FBXO16: variants seen among roughly 807,000 people sequenced by gnomAD.
FBXO16 encodes F-box only protein 16.
FBXO16 carries 31 observed loss-of-function variants against 41.0 expected under a neutral mutation model. That is an observed-to-expected ratio of 0.76 (90% CI 0.57 to 1.02). The LOEUF (loss-of-function observed/expected upper bound fraction) is 1.02, where lower values mean the gene tolerates loss of function less well. Ranked by LOEUF, FBXO16 falls within the 50% of genes least tolerant of loss-of-function variation. The pLI is 0.00. For missense variants in FBXO16, 361 were observed against 346.2 expected, an observed-to-expected ratio of 1.04 and a Z score of -0.34; for synonymous variants, 133 against 117.8, an observed-to-expected ratio of 1.13 and a Z score of -0.84.
intron 7 of FBXO16, among the ~76,000 whole-genome samples, chr8:28,445,747 CTT>C (rs1369097297): frequency 2.0e-5 from 3 of 152,084 alleles, no homozygotes; most frequent in Non-Finnish European, 2.9e-5. Flanking sequence ...CTCTCTCTCT[CTT>C]TCTTTTTTCT....
chr8:28,433,078 CAAAA>C (rs1437856853), intron 7 of FBXO16, among the ~76,000 whole-genome samples: 1 of 138,804 alleles, frequency 7.2e-6, no homozygotes. Context: ...AAAAAACAAA[CAAAA>C]AACAAACAAA....
chr8:28,475,802 T>C (rs183564025), intron 2 of FBXO16, among the ~76,000 whole-genome samples: 6 of 152,330 alleles, frequency 3.9e-5, no homozygotes, highest in African/African-American at 9.6e-5. Flanking sequence ...ATTTTGCTGA[T>C]TGACTAACAA....
intron 7 of FBXO16, among the ~76,000 whole-genome samples, chr8:28,433,063 AAAAAAAAAAAC>A (rs1006229131): frequency 1.1e-4 from 15 of 134,808 alleles, no homozygotes; most frequent in Admixed American, 6.9e-5. Flanking sequence ...TTCGTCCAAA[AAAAAAAAAAAC>A]AAACAAAAAA....
intron 6 of FBXO16, 101 bp downstream of exon 6, chr8:28,452,143 T>C (rs1236572499): frequency 1.7e-6 from 2 of 1,158,138 alleles, no homozygotes; most frequent in Non-Finnish European, 2.4e-6. Context: ...GAAAAGCTTT[T>C]GTATTTCACA....
chr8:28,448,340 C>CAAAAAAAAAAAA (rs56323338), intron 6 of FBXO16, among the ~76,000 whole-genome samples: 17 of 49,384 alleles, frequency 3.4e-4, no homozygotes, highest in East Asian at 6.1e-4. Context: ...GACCCTAAAT[C>CAAAAAAAAAAAA]AAAAAAAAAA....
At chr8:28,443,783 C>G (rs1292758302) in intron 7 of FBXO16, among the ~76,000 whole-genome samples, 1 of 152,128 alleles carries the variant, frequency 6.6e-6, no homozygotes, top group Non-Finnish European at 1.5e-5. Context: ...CCGGCCAAAA[C>G]CCACCAAAAC....
chr8:28,460,409 G>A (rs73557216), intron 4 of FBXO16, among the ~76,000 whole-genome samples: 6 of 133,926 alleles, frequency 4.5e-5, no homozygotes, highest in African/African-American at 1.2e-4. Flanking sequence ...AGGCACATGC[G>A]CTATACCTGG....
chr8:28,438,286 G>A (rs138351865), intron 7 of FBXO16, among the ~76,000 whole-genome samples: 5 of 151,676 alleles, frequency 3.3e-5, no homozygotes, highest in South Asian at 2.1e-4. Flanking sequence ...ACTGCATTCC[G>A]GCCTGGGCAA....
chr8:28,450,699 C>G (rs1415657245), intron 6 of FBXO16, among the ~76,000 whole-genome samples: 1 of 152,122 alleles, frequency 6.6e-6, no homozygotes, highest in Non-Finnish European at 1.5e-5. Context: ...GGAGTAATAC[C>G]TCAGCCTTTC....
chr8:28,488,652 T>G (rs868369801), intron 1 of FBXO16, among the ~76,000 whole-genome samples: 5 of 152,212 alleles, frequency 3.3e-5, no homozygotes, highest in African/African-American at 7.2e-5. Flanking sequence ...TTACTAAGTA[T>G]CTACAAGGCA....
chr8:28,466,661 GGCAGGC>G (rs1803247748), intron 3 of FBXO16, among the ~76,000 whole-genome samples: 1 of 152,052 alleles, frequency 6.6e-6, no homozygotes, highest in Admixed American at 6.6e-5. Flanking sequence ...CGGGCATGGT[GGCAGGC>G]GCCTGTAGTC....
intron 6 of FBXO16, among the ~76,000 whole-genome samples, chr8:28,451,783 G>T (rs548294588): frequency 1.2e-4 from 19 of 152,072 alleles, no homozygotes; most frequent in Admixed American, 6.5e-5. Context: ...AGGAGTTCAA[G>T]ACCAGCCTGG....
chr8:28,430,631 A>G (rs1802591543), intron 7 of FBXO16, among the ~76,000 whole-genome samples: 1 of 152,242 alleles, frequency 6.6e-6, no homozygotes, highest in South Asian at 2.1e-4. Flanking sequence ...GAAAATAAAC[A>G]GGAAGCTTCC....
chr8:28,489,450 G>C (rs1803653564), intron 1 of FBXO16, among the ~76,000 whole-genome samples: 1 of 151,268 alleles, frequency 6.6e-6, no homozygotes, highest in African/African-American at 2.4e-5. Context: ...TGAGGCAGGA[G>C]GATCTCTTGA....
chr8:28,453,177 C>G (rs1802983745), intron 5 of FBXO16, among the ~76,000 whole-genome samples: 1 of 152,162 alleles, frequency 6.6e-6, no homozygotes, highest in African/African-American at 2.4e-5. Flanking sequence ...ATAGGAGAAA[C>G]TAATTAATTT....
At chr8:28,447,503 T>C in intron 6 of FBXO16, 2 of 480,276 alleles carry the variant, frequency 4.2e-6, no homozygotes, top group Non-Finnish European at 3.8e-6. Flanking sequence ...TGTTTCTATA[T>C]TCAACTGTGG....
chr8:28,460,997 AG>A (rs1803125016), intron 4 of FBXO16, among the ~76,000 whole-genome samples: 1 of 152,016 alleles, frequency 6.6e-6, no homozygotes, highest in African/African-American at 2.4e-5. Context: ...GGCCTCCCAA[AG>A]TGCTGGGATT....
chr8:28,440,916 A>G (rs1397416804), intron 7 of FBXO16, among the ~76,000 whole-genome samples: 1 of 151,744 alleles, frequency 6.6e-6, no homozygotes, highest in Non-Finnish European at 1.5e-5. Flanking sequence ...AAAACAAAGA[A>G]AAGAAACAAG....
intron 4 of FBXO16, among the ~76,000 whole-genome samples, chr8:28,462,734 T>C (rs1347577049): frequency 2.0e-5 from 3 of 152,226 alleles, no homozygotes; most frequent in East Asian, 1.9e-4. Flanking sequence ...TTCACTTTAA[T>C]ACAGGACAGA....
Sources: gnomAD v4.1 joint callset for allele counts (sites outside exome capture counted in the v4.1 genomes callset) on GRCh38, gnomAD v4.1.1 for gene constraint, MANE v1.5 for transcripts, NCBI Gene and HGNC (gene_info 2026-07-23, HGNC 2026-07-21) for gene names.